HDAC9: variants seen among roughly 807,000 people sequenced by gnomAD.
HDAC9 encodes histone deacetylase 9, also known as MEF-2 interacting transcription repressor (MITR) protein.
HDAC9 carries 41 observed loss-of-function variants against 139.4 expected under a neutral mutation model. That is an observed-to-expected ratio of 0.29 (90% CI 0.23 to 0.38). The LOEUF is 0.38. HDAC9 is among the 10% of genes least tolerant of loss of function. HDAC9 has a pLI of 1.00. For missense variants in HDAC9, 1,147 were observed against 1,297.0 expected (o/e 0.88, Z 1.78); for synonymous variants, 517 against 476.2 (o/e 1.09, Z -1.12).
chr7:18,982,158 TCTA>T (rs1248330433), intron 25 of HDAC9, among the ~76,000 whole-genome samples: 1 of 152,166 alleles, frequency 6.6e-6, no homozygotes, highest in Admixed American at 6.5e-5. Flanking sequence ...ATTTTTAACT[TCTA>T]CTGCTGACAC....
intron 2 of HDAC9, among the ~76,000 whole-genome samples, chr7:18,279,774 C>G (rs1482499721): frequency 6.6e-6 from 1 of 151,862 alleles, no homozygotes; most frequent in Non-Finnish European, 1.5e-5. Context: ...CACATTTACT[C>G]ATTTAATAAG....
chr7:18,636,617 C>T (rs1444596513), intron 8 of HDAC9, among the ~76,000 whole-genome samples: 1 of 152,022 alleles, frequency 6.6e-6, no homozygotes, highest in East Asian at 1.9e-4. Context: ...TAATTCTGGC[C>T]TCTACATGGT....
intron 21 of HDAC9, among the ~76,000 whole-genome samples, chr7:18,836,597 A>C (rs1796254621): frequency 6.6e-6 from 1 of 152,200 alleles, no homozygotes; most frequent in South Asian, 2.1e-4. Flanking sequence ...CAGTGTATTC[A>C]CATAGCATTC....
At chr7:18,570,328 A>G (rs1184988145) in intron 2 of HDAC9, among the ~76,000 whole-genome samples, 3 of 152,234 alleles carry the variant, frequency 2.0e-5, no homozygotes, top group African/African-American at 7.2e-5. Flanking sequence ...TTTAAGAAAG[A>G]TGCTTTAGAC....
At chr7:18,776,283 C>A (rs1374794463) in intron 16 of HDAC9, among the ~76,000 whole-genome samples, 4 of 151,974 alleles carry the variant, frequency 2.6e-5, no homozygotes, top group Non-Finnish European at 5.9e-5. Flanking sequence ...TATCCAGCAT[C>A]AATCCACAAC....
intron 16 of HDAC9, among the ~76,000 whole-genome samples, chr7:18,771,537 A>ATGTGTGTG (rs144486840): frequency 6.8e-6 from 1 of 146,450 alleles, no homozygotes; most frequent in Admixed American, 6.8e-5. Flanking sequence ...ATTTACAGAT[A>ATGTGTGTG]TGTGTGTGTG....
chr7:18,345,251 C>T (rs1782316577), intron 1 of HDAC9, among the ~76,000 whole-genome samples: 2 of 151,916 alleles, frequency 1.3e-5, no homozygotes, highest in African/African-American at 4.8e-5. Flanking sequence ...TCCTTGTGTA[C>T]AAAATGACTT....
chr7:18,234,915 T>G (rs1357431193), intron 2 of HDAC9, among the ~76,000 whole-genome samples: 3 of 152,200 alleles, frequency 2.0e-5, no homozygotes, highest in Non-Finnish European at 2.9e-5. Context: ...TAGAGGACTT[T>G]GAAAGCCAGA....
At chr7:18,648,933 T>G (rs986747918) in intron 11 of HDAC9, among the ~76,000 whole-genome samples, 1 of 152,196 alleles carries the variant, frequency 6.6e-6, no homozygotes, top group Admixed American at 6.5e-5. Context: ...ATCAGGTATA[T>G]ATTTTGGTAC....
At chr7:18,668,392 A>G in intron 12 of HDAC9, 4 of 931,842 alleles carry the variant, frequency 4.3e-6, no homozygotes, top group Non-Finnish European at 5.1e-6. Flanking sequence ...CATCTCATAA[A>G]TATTCATTTT....
chr7:18,105,246 T>G (rs1430830885), intron 1 of HDAC9, among the ~76,000 whole-genome samples: 3 of 20 alleles, frequency 0.15, no homozygotes, highest in Non-Finnish European at 0.5. Flanking sequence ...GGATTTCATC[T>G]ACATCTAGGA....
chr7:18,415,315 A>G (rs1788952971), intron 1 of HDAC9, among the ~76,000 whole-genome samples: 1 of 152,232 alleles, frequency 6.6e-6, no homozygotes, highest in Non-Finnish European at 1.5e-5. Context: ...CAACTGCGCT[A>G]GTTTTAAAAA....
At chr7:18,652,569 T>C (rs866897959) in intron 11 of HDAC9, among the ~76,000 whole-genome samples, 46 of 152,298 alleles carry the variant, frequency 3.0e-4, no homozygotes, top group Middle Eastern at 6.8e-3. Context: ...TTAGGCATTT[T>C]TGTTGTGAGG....
intron 12 of HDAC9, among the ~76,000 whole-genome samples, chr7:18,705,813 A>G (rs1398078333): frequency 2.8e-5 from 4 of 144,418 alleles, no homozygotes. Flanking sequence ...AGATGGCACC[A>G]TTGCACTCCA....
rs1395691394 is a variant in HDAC9 at position 18,682,276 on chromosome 7, GCTTT to G, written c.1731+15803_1731+15806del. On this transcript the variant is annotated intron_variant, in intron 12 of 25. Transcript: ENST00000686413. ...AACATTGTGCTTTTTCTCTTCTAAT[GCTTT>G]CTGTCATCATTTCTTCTGTGTAATT... Among the ~76,000 whole-genome samples, 10 of 152,028 alleles carry G rather than the reference GCTTT, an allele frequency of 6.6e-5. No homozygotes were observed. In the East Asian group the frequency reaches 1.9e-3, roughly 30 times the overall value.
intron 21 of HDAC9, among the ~76,000 whole-genome samples, chr7:18,866,477 C>A (rs542438554): frequency 1.6e-4 from 25 of 152,136 alleles, no homozygotes; most frequent in Admixed American, 1.4e-3. Flanking sequence ...GTTGGTTGCC[C>A]GCTCTCCTCT....
At position 18,465,294 on chromosome 7, in the gene HDAC9, G is replaced by A. The variant is rs1168631575; in HGVS notation, c.-41-30968G>A. 4.0e-5 allele frequency among the ~76,000 whole-genome samples: 6 copies of A among 151,858 alleles called. No homozygotes were observed. In the South Asian group the frequency reaches 6.2e-4, roughly 16 times the overall value. On this transcript the variant is annotated intron_variant, in intron 1 of 3. Transcript: ENST00000413509. ...TCCCATTATTTTTAAATTGCTTATAGGTTCTTTTATTTCTTGAATTATCTG... is the reference window on the plus strand; with the variant it reads ...TCCCATTATTTTTAAATTGCTTATAAGTTCTTTTATTTCTTGAATTATCTG...
chr7:18,087,534 C>G (rs1477149907), intron 1 of HDAC9, among the ~76,000 whole-genome samples: 1 of 152,056 alleles, frequency 6.6e-6, no homozygotes, highest in Admixed American at 6.6e-5. Flanking sequence ...ATGTTGGAGC[C>G]GAGCTATGAA....
chr7:18,918,758 T>G (rs1318297442), intron 22 of HDAC9, among the ~76,000 whole-genome samples: 1 of 152,064 alleles, frequency 6.6e-6, no homozygotes, highest in Non-Finnish European at 1.5e-5. Context: ...ATCAACTAGC[T>G]GAAATGATGA....
Sources: gnomAD v4.1 joint callset for allele counts (sites outside exome capture counted in the v4.1 genomes callset) on GRCh38, gnomAD v4.1.1 for gene constraint, MANE v1.5 for transcripts, NCBI Gene and HGNC (gene_info 2026-07-23, HGNC 2026-07-21) for gene names.